The following GGACT variants were observed in gnomAD, a reference collection of about 807,000 sequenced individuals.
GGACT encodes the protein gamma-glutamylamine cyclotransferase, also known as gamma-glutamylaminecyclotransferase.
For synonymous variants in GGACT, 118 were observed against 115.3 expected (o/e 1.02, Z -0.15); for missense variants, 241 against 233.2 (o/e 1.03, Z -0.22).
chr13:100,539,242 T>C (rs536151924), intron 2 of GGACT: 2 of 152,282 alleles, frequency 1.3e-5, no homozygotes, highest in Non-Finnish European at 2.9e-5. Flanking sequence ...CCCAGAACTA[T>C]GTTCAACAGA....
At chr13:100,540,168 G>A in intron 2 of GGACT, 6 of 1,568,042 alleles carry the variant, frequency 3.8e-6, no homozygotes, top group Non-Finnish European at 5.2e-6. Flanking sequence ...GCACGCATCG[G>A]GCACAGTTAG....
At chr13:100,577,524 A>G (rs1323199313) in intron 2 of GGACT, among the ~76,000 whole-genome samples, 1 of 152,120 alleles carries the variant, frequency 6.6e-6, no homozygotes. Flanking sequence ...GTTGGACAGA[A>G]TTATATTTAT....
intron 2 of GGACT, among the ~76,000 whole-genome samples, chr13:100,579,356 GTCTC>G (rs1302516056): frequency 6.6e-6 from 1 of 152,152 alleles, no homozygotes; most frequent in Non-Finnish European, 1.5e-5. Flanking sequence ...CAGCAGCTCA[GTCTC>G]TCTGACTTTC....
intron 1 of GGACT, among the ~76,000 whole-genome samples, chr13:100,586,485 C>G (rs542310399): frequency 6.6e-6 from 1 of 151,560 alleles, no homozygotes; most frequent in Non-Finnish European, 1.5e-5. Context: ...ACCCCCACCC[C>G]CGACCCCACC....
chr13:100,549,800 T>C (rs961127846), intron 2 of GGACT, among the ~76,000 whole-genome samples: 2 of 152,190 alleles, frequency 1.3e-5, no homozygotes, highest in Admixed American at 1.3e-4. Flanking sequence ...CTTACGTCAG[T>C]GCACCCAAGG....
At chr13:100,542,439 C>T (rs537602668) in intron 2 of GGACT, among the ~76,000 whole-genome samples, 20 of 152,338 alleles carry the variant, frequency 1.3e-4, no homozygotes, top group South Asian at 1.2e-3. Flanking sequence ...CGCTGTCATC[C>T]CTCGTGCACG....
intron 2 of GGACT, among the ~76,000 whole-genome samples, chr13:100,573,768 CA>C (rs1038471397): frequency 1.4e-4 from 21 of 151,810 alleles, no homozygotes; most frequent in African/African-American, 5.1e-4. Context: ...AAAGAAGACA[CA>C]CAAGTGGCCA....
intron 2 of GGACT, among the ~76,000 whole-genome samples, chr13:100,548,374 T>C (rs1265752346): frequency 1.3e-5 from 2 of 152,218 alleles, no homozygotes; most frequent in African/African-American, 2.4e-5. Flanking sequence ...AAGTGAGAAA[T>C]AGAGAATCCA....
intron 2 of GGACT, among the ~76,000 whole-genome samples, chr13:100,566,958 A>G (rs1302278446): frequency 6.6e-6 from 1 of 152,164 alleles, no homozygotes; most frequent in African/African-American, 2.4e-5. Context: ...TTTGGCATTC[A>G]CGATCCTTTA....
At chr13:100,571,167 G>T (rs1416111896) in intron 2 of GGACT, among the ~76,000 whole-genome samples, 1 of 152,150 alleles carries the variant, frequency 6.6e-6, no homozygotes, top group Non-Finnish European at 1.5e-5. Context: ...CAGTGTCGAG[G>T]AGGATAACCT....
rs114394283 is a variant in GGACT at position 100,585,256 on chromosome 13, G to T, written c.-183-1259C>A. 9.6e-4 allele frequency among the ~76,000 whole-genome samples: 146 copies of T among 152,354 alleles called. 3 individuals carry two copies. Among genetic ancestry groups the T allele is most frequent in the African/African-American group, 3.4e-3 (141 of 41,590 alleles). On this transcript the variant is annotated intron_variant, in intron 1 of 2. Coordinates refer to ENST00000683975, the MANE Select transcript of GGACT (RefSeq NM_001195087.2). ...TGGGTCGGCAAACCACAGCCTGCGG[G>T]TAAGTCCAGCCTGTGGGTGGATTTT... is the stretch of plus-strand genomic sequence containing the variant.
intron 1 of GGACT, among the ~76,000 whole-genome samples, chr13:100,585,767 C>A (rs977910931): frequency 7.4e-6 from 1 of 135,614 alleles, no homozygotes; most frequent in African/African-American, 2.8e-5. Context: ...AGTGAGACTC[C>A]GTCTCAGGAA....
intron 2 of GGACT, among the ~76,000 whole-genome samples, chr13:100,579,129 C>T (rs1875337099): frequency 1.3e-5 from 2 of 152,204 alleles, no homozygotes; most frequent in South Asian, 4.1e-4. Context: ...ATGTGGAAGG[C>T]ATGATGGCGG....
chr13:100,543,307 A>C (rs1471661613), intron 2 of GGACT, among the ~76,000 whole-genome samples: 1 of 140,626 alleles, frequency 7.1e-6, no homozygotes, highest in Non-Finnish European at 1.5e-5. Flanking sequence ...TCCCAGGTTC[A>C]AGCAGTTCTC....
At chr13:100,563,897 G>A (rs945150618) in intron 2 of GGACT, among the ~76,000 whole-genome samples, 7 of 152,236 alleles carry the variant, frequency 4.6e-5, no homozygotes, top group African/African-American at 1.7e-4. Flanking sequence ...CAGGCAAGGA[G>A]CGTGAGCCCA....
At chr13:100,577,416 C>CAA (rs1246035632) in intron 2 of GGACT, among the ~76,000 whole-genome samples, 1 of 30,102 alleles carries the variant, frequency 3.3e-5, no homozygotes, top group African/African-American at 6.2e-5. Context: ...GACTCCATCT[C>CAA]AAAAATAAAT....
intron 2 of GGACT, chr13:100,540,273 A>G (rs1433780934): frequency 2.6e-6 from 3 of 1,160,228 alleles, no homozygotes; most frequent in Non-Finnish European, 3.8e-6. Flanking sequence ...CCGGAGAGAG[A>G]GTGGGCTTTT....
intron 2 of GGACT, among the ~76,000 whole-genome samples, chr13:100,582,386 T>C (rs889858090): frequency 6.6e-6 from 1 of 152,206 alleles, no homozygotes; most frequent in Admixed American, 6.5e-5. Context: ...AATCTGTGGT[T>C]GGCAGAATAA....
intron 2 of GGACT, among the ~76,000 whole-genome samples, chr13:100,564,388 A>G (rs889034272): frequency 1.3e-5 from 2 of 152,214 alleles, no homozygotes; most frequent in East Asian, 3.8e-4. Flanking sequence ...TTCAACCTTC[A>G]CCTACATGGC....
Sources: gnomAD v4.1 joint callset for allele counts (sites outside exome capture counted in the v4.1 genomes callset) on GRCh38, gnomAD v4.1.1 for gene constraint, MANE v1.5 for transcripts, NCBI Gene and HGNC (gene_info 2026-07-23, HGNC 2026-07-21) for gene names.